The following ABLIM1 variants were observed in gnomAD, a reference collection of about 807,000 sequenced individuals.
ABLIM1 encodes the protein actin-binding LIM protein 1.
ABLIM1 carries 40 observed loss-of-function variants against 107.0 expected under a neutral mutation model. The observed-to-expected ratio is 0.37, with a 90% CI of 0.29 to 0.49. The LOEUF (loss-of-function observed/expected upper bound fraction) is 0.49. Among genes scored for constraint, ABLIM1 ranks in the 20% least tolerant of loss-of-function variants. The pLI, the probability that ABLIM1 is intolerant of heterozygous loss-of-function variation, is 0.97. For missense variants in ABLIM1, 857 were observed against 1,008.5 expected (o/e 0.85, Z 2.04); for synonymous variants, 357 against 357.3 (o/e 1.00, Z 0.01).
chr10:114,568,170 C>A (rs1225527935), intron 4 of ABLIM1, among the ~76,000 whole-genome samples: 1 of 125,622 alleles, frequency 8.0e-6, no homozygotes, highest in Non-Finnish European at 1.5e-5. Context: ...GCAGTCCAGC[C>A]TGGGCGACAG....
chr10:114,447,795 T>C (rs1011093135), intron 15 of ABLIM1, 85 bp downstream of exon 15: 41 of 1,553,928 alleles, frequency 2.6e-5, no homozygotes, highest in Non-Finnish European at 2.7e-5. Flanking sequence ...CATAATAGGA[T>C]ACATTTTCTT....
At chr10:114,763,685 G>A (rs2082808029) in intron 1 of ABLIM1, among the ~76,000 whole-genome samples, 1 of 152,102 alleles carries the variant, frequency 6.6e-6, no homozygotes, top group Non-Finnish European at 1.5e-5. Flanking sequence ...CACCCAACCT[G>A]ATTTTAATAT....
chr10:114,722,827 C>T (rs1286712158), intron 1 of ABLIM1, among the ~76,000 whole-genome samples: 2 of 152,158 alleles, frequency 1.3e-5, no homozygotes, highest in African/African-American at 2.4e-5. Flanking sequence ...CCCTTTTTCC[C>T]TTCTTTTCTG....
chr10:114,725,027 C>T (rs2081927973), intron 1 of ABLIM1, among the ~76,000 whole-genome samples: 1 of 152,186 alleles, frequency 6.6e-6, no homozygotes, highest in African/African-American at 2.4e-5. Flanking sequence ...CCTCCATCCC[C>T]AGCCACACAA....
At chr10:114,768,662 G>A (rs1215281872), upstream of ABLIM1, among the ~76,000 whole-genome samples, 1 of 152,064 alleles carries the variant, frequency 6.6e-6, no homozygotes, top group African/African-American at 2.4e-5. Flanking sequence ...CCTATGGGCG[G>A]GGTGGGATGG....
chr10:114,745,391 T>TGGTGGTGG (rs1194634266), intron 1 of ABLIM1, among the ~76,000 whole-genome samples: 5 of 151,250 alleles, frequency 3.3e-5, no homozygotes, highest in Middle Eastern at 3.6e-3. Flanking sequence ...TGAAACCCTG[T>TGGTGGTGG]CTGTACTAAA....
At chr10:114,760,896 AGT>A (rs1242791703) in intron 1 of ABLIM1, among the ~76,000 whole-genome samples, 1 of 152,232 alleles carries the variant, frequency 6.6e-6, no homozygotes, top group Non-Finnish European at 1.5e-5. Flanking sequence ...CAGGAAATGT[AGT>A]GTTTTGCTGT....
intron 1 of ABLIM1, among the ~76,000 whole-genome samples, chr10:114,606,162 A>G (rs1400715248): frequency 1.3e-5 from 2 of 152,200 alleles, no homozygotes; most frequent in African/African-American, 4.8e-5. Context: ...CATCTGGGAA[A>G]GCGTATTTGA....
intron 1 of ABLIM1, among the ~76,000 whole-genome samples, chr10:114,700,473 A>T (rs539697869): frequency 2.5e-4 from 37 of 150,608 alleles, no homozygotes; most frequent in South Asian, 2.1e-3. Flanking sequence ...AGGGCCTAGG[A>T]TTGCCAAAAA....
At chr10:114,606,152 C>T (rs572947966) in intron 1 of ABLIM1, among the ~76,000 whole-genome samples, 2 of 152,304 alleles carry the variant, frequency 1.3e-5, no homozygotes, top group South Asian at 2.1e-4. Flanking sequence ...AGAAACAGAA[C>T]ATCTGGGAAA....
At chr10:114,606,707 T>C (rs954651749) in intron 1 of ABLIM1, among the ~76,000 whole-genome samples, 6 of 152,182 alleles carry the variant, frequency 3.9e-5, no homozygotes, top group Non-Finnish European at 8.8e-5. Flanking sequence ...CCCTTTCCTC[T>C]TCTCTATCTC....
intron 17 of ABLIM1, among the ~76,000 whole-genome samples, chr10:114,442,820 G>A (rs2060385209): frequency 6.7e-6 from 1 of 149,774 alleles, no homozygotes; most frequent in African/African-American, 2.5e-5. Flanking sequence ...TAGCAAAAAT[G>A]CTTGCATGGA....
intron 15 of ABLIM1, 59 bp downstream of exon 15, chr10:114,447,821 T>C: frequency 6.3e-7 from 1 of 1,592,158 alleles, no homozygotes; most frequent in Non-Finnish European, 8.6e-7. Flanking sequence ...TTTTTAAGCA[T>C]GTCATCTTGA....
At chr10:114,667,680 A>T (rs2080083358) in intron 1 of ABLIM1, among the ~76,000 whole-genome samples, 1 of 152,228 alleles carries the variant, frequency 6.6e-6, no homozygotes, top group Non-Finnish European at 1.5e-5. Context: ...CTTCCCAGTC[A>T]ATCCCTGCCC....
At chr10:114,583,183 T>C (rs1014407856) in intron 2 of ABLIM1, among the ~76,000 whole-genome samples, 1 of 150,942 alleles carries the variant, frequency 6.6e-6, no homozygotes, top group African/African-American at 2.4e-5. Context: ...ATAACTCCAT[T>C]AAAAAGTGGC....
At position 114,473,060 on chromosome 10, in the gene ABLIM1, T is replaced by C. The variant is rs1343862747; in HGVS notation, c.1192A>G (p.Ile398Val). The change falls in exon 10 of 23, where the codon ATT becomes GTT. Residue 398 changes from isoleucine (I) to valine (V), a missense_variant. By Grantham distance (29) the Ile-to-Val change is conservative. This residue lies in a region of ABLIM1 where 381 missense variants were observed against 506.9 expected (regional missense o/e 0.75). Coordinates refer to ENST00000533213, the MANE Select transcript of ABLIM1 (RefSeq NM_002313.7). ...AIPKVKAIYD[I>V]ERPDLITYEP... ...TAGGTAATAAGATCTGGACGTTCAA[T>C]GTCATAAATTGCCTTGACCTTCGGA... 1.2e-6 allele frequency: 2 copies of C among 1,613,728 alleles called. No individual in the cohort carries two copies. The highest frequency in any genetic ancestry group is 1.7e-6 in the Non-Finnish European group (2 of 1,179,784).
chr10:114,574,745 C>A (rs1842954478), intron 3 of ABLIM1, among the ~76,000 whole-genome samples: 1 of 152,136 alleles, frequency 6.6e-6, no homozygotes, highest in South Asian at 2.1e-4. Flanking sequence ...CCCAGCCTGA[C>A]TGATCATTTT....
At chr10:114,587,175 T>G (rs1395159212) in intron 2 of ABLIM1, among the ~76,000 whole-genome samples, 2 of 152,248 alleles carry the variant, frequency 1.3e-5, no homozygotes, top group African/African-American at 4.8e-5. Context: ...AAAAATGTAT[T>G]CCAACTCATT....
At chr10:114,638,582 T>C (rs560363097) in intron 1 of ABLIM1, among the ~76,000 whole-genome samples, 1 of 152,036 alleles carries the variant, frequency 6.6e-6, no homozygotes, top group South Asian at 2.1e-4. Flanking sequence ...CCTTCCCTTC[T>C]GCAGAGGTTG....
Sources: gnomAD v4.1 joint callset for allele counts (sites outside exome capture counted in the v4.1 genomes callset) on GRCh38, gnomAD v4.1.1 for gene constraint, gnomAD v4.1.1 regional missense constraint, MANE v1.5 for transcripts, NCBI Gene and HGNC (gene_info 2026-07-23, HGNC 2026-07-21) for gene names.